The following CCNJL variants were observed in gnomAD, a reference collection of about 807,000 sequenced individuals.
The protein encoded by CCNJL is cyclin-J-like protein.
A neutral mutation model predicts 33.4 loss-of-function variants in CCNJL; 33 were observed. The ratio of observed to expected loss-of-function variants is 0.99; its 90% CI spans 0.75 to 1.32. The LOEUF (loss-of-function observed/expected upper bound fraction) is 1.32. Ranked by LOEUF, CCNJL falls within the 40% of genes most tolerant of loss-of-function variation. CCNJL has a pLI of 0.00. For missense variants in CCNJL, 512 were observed against 499.7 expected (o/e 1.02, Z -0.23); for synonymous variants, 227 against 220.9 (o/e 1.03, Z -0.24).
intron 1 of CCNJL, among the ~76,000 whole-genome samples, chr5:160,325,010 C>A (rs187074980): frequency 1.4e-3 from 218 of 152,302 alleles, no homozygotes; most frequent in Non-Finnish European, 2.6e-3. Context: ...GGTTCCAGGC[C>A]TGCCTCTGCC....
At chr5:160,275,669 A>G (rs911273222) in intron 3 of CCNJL, among the ~76,000 whole-genome samples, 6 of 152,182 alleles carry the variant, frequency 3.9e-5, no homozygotes, top group African/African-American at 1.2e-4. Context: ...CAGGTTTTTA[A>G]AAGTAAAAAC....
Position 160,253,516 on chromosome 5 carries a change from CAT to C in CCNJL, c.1024_1025del (p.Met342ValfsTer10). On this transcript the variant is annotated frameshift_variant, in exon 6 of 6. Transcript: ENST00000257536. LOFTEE classifies it high-confidence loss of function. ...TPYQPLQPLD[M>X]CPVPVPASLS... ...GGGATGCAGGGACGGGCACGGGACA[CAT>C]ATCCAAGGGCTGCAGCGGTTGGTAC... is the stretch of plus-strand genomic sequence containing the variant. The C allele has an allele frequency of 6.2e-7, 1 of 1,614,194 alleles. No individual in the cohort carries two copies. The highest frequency in any genetic ancestry group is 2.2e-5 in the East Asian group (1 of 44,878).
At chr5:160,267,120 C>T (rs1373465452) in intron 3 of CCNJL, among the ~76,000 whole-genome samples, 1 of 152,162 alleles carries the variant, frequency 6.6e-6, no homozygotes, top group Non-Finnish European at 1.5e-5. Flanking sequence ...CGGGGAGCTT[C>T]GTTTGGCATT....
At chr5:160,315,343 AC>A, upstream of CCNJL, 1 of 246,058 alleles carries the variant, frequency 4.1e-6, no homozygotes. Flanking sequence ...ACACACACAC[AC>A]ACACACACAC....
chr5:160,263,214 G>C (rs571524552), intron 3 of CCNJL, among the ~76,000 whole-genome samples: 105 of 152,198 alleles, frequency 6.9e-4, no homozygotes, highest in Non-Finnish European at 1.2e-3. Context: ...TTGCAGACGT[G>C]ACATGCCACC....
At chr5:160,338,791 C>CTTT in intron 1 of CCNJL, among the ~76,000 whole-genome samples, 1 of 151,396 alleles carries the variant, frequency 6.6e-6, no homozygotes, top group African/African-American at 2.4e-5. Context: ...TAAAACTACT[C>CTTT]TTCTTCTTCT....
intron 1 of CCNJL, among the ~76,000 whole-genome samples, chr5:160,337,790 A>G (rs552051675): frequency 1.4e-3 from 206 of 152,306 alleles, no homozygotes; most frequent in African/African-American, 4.8e-3. Context: ...ATTGTGAACA[A>G]ATGTGAACCT....
intron 3 of CCNJL, among the ~76,000 whole-genome samples, chr5:160,262,468 T>G (rs1023054578): frequency 3.9e-5 from 6 of 152,230 alleles, no homozygotes; most frequent in African/African-American, 1.4e-4. Context: ...CTCAGGAGTT[T>G]GCCCTGGACC....
chr5:160,309,319 A>G (rs1347708354), intron 2 of CCNJL, among the ~76,000 whole-genome samples: 2 of 152,198 alleles, frequency 1.3e-5, no homozygotes, highest in African/African-American at 4.8e-5. Context: ...ATGATGCCAG[A>G]CTGGAATCTC....
At chr5:160,326,481 G>C (rs920018042) in intron 1 of CCNJL, among the ~76,000 whole-genome samples, 5 of 80,580 alleles carry the variant, frequency 6.2e-5, no homozygotes, top group Admixed American at 2.0e-4. Context: ...GCTAGACTCT[G>C]TCTCCAAAAA....
chr5:160,322,862 G>A (rs1230375802), intron 1 of CCNJL, among the ~76,000 whole-genome samples: 3 of 151,626 alleles, frequency 2.0e-5, no homozygotes, highest in South Asian at 2.1e-4. Flanking sequence ...GCAGTGAGCC[G>A]AGATTGCGCT....
chr5:160,293,477 T>C (rs1762651325), intron 2 of CCNJL, among the ~76,000 whole-genome samples: 1 of 152,164 alleles, frequency 6.6e-6, no homozygotes. Context: ...ACTATAGGAA[T>C]TTTAGAAAAT....
intron 3 of CCNJL, among the ~76,000 whole-genome samples, chr5:160,277,900 G>C (rs542313282): frequency 1.1e-4 from 16 of 151,596 alleles, no homozygotes; most frequent in Non-Finnish European, 1.8e-4. Flanking sequence ...CGCCCATCAC[G>C]CCTGGCTAAT....
At chr5:160,268,284 T>C (rs1352199846) in intron 3 of CCNJL, among the ~76,000 whole-genome samples, 1 of 152,178 alleles carries the variant, frequency 6.6e-6, no homozygotes, top group Non-Finnish European at 1.5e-5. Context: ...CAGCGGGCAG[T>C]GCCCACACTC....
intron 3 of CCNJL, among the ~76,000 whole-genome samples, chr5:160,277,790 G>T (rs1726552697): frequency 7.0e-6 from 1 of 143,786 alleles, no homozygotes; most frequent in Non-Finnish European, 1.5e-5. Flanking sequence ...TTGTTGCCCA[G>T]CCTGGAGTGC....
At chr5:160,320,984 CTCT>C (rs1389111367) in intron 1 of CCNJL, among the ~76,000 whole-genome samples, 49 of 116,216 alleles carry the variant, frequency 4.2e-4, no homozygotes, top group African/African-American at 5.9e-4. Flanking sequence ...CTCCCTCTCT[CTCT>C]TTCTTTCTTT....
chr5:160,259,332 G>A, intron 4 of CCNJL, 137 bp downstream of exon 4: 1 of 723,610 alleles, frequency 1.4e-6, no homozygotes. Flanking sequence ...TGCCTGCAAA[G>A]TTAAGAGTGA....
intron 2 of CCNJL, among the ~76,000 whole-genome samples, chr5:160,302,499 G>T (rs1167659410): frequency 1.3e-5 from 2 of 152,000 alleles, no homozygotes; most frequent in African/African-American, 2.4e-5. Flanking sequence ...AAGTTATTTA[G>T]ATTATTAAAA....
chr5:160,318,018 T>G (rs954361086), intron 1 of CCNJL, among the ~76,000 whole-genome samples: 1 of 150,916 alleles, frequency 6.6e-6, no homozygotes, highest in African/African-American at 2.4e-5. Flanking sequence ...TCTTCTTCTT[T>G]TTTTGTTTTT....
Sources: allele counts gnomAD v4.1 joint callset (sites outside exome capture counted in the v4.1 genomes callset), GRCh38; gene constraint gnomAD v4.1.1; transcripts MANE v1.5; gene names NCBI Gene and HGNC (gene_info 2026-07-23, HGNC 2026-07-21).